Variants in ZFHX3 observed in about 807,000 individuals in gnomAD.
ZFHX3 encodes zinc finger homeobox protein 3.
Under a neutral mutation model 279.1 loss-of-function variants are expected in ZFHX3, and 42 were observed. The ratio of observed to expected loss-of-function variants is 0.15; its 90% confidence interval spans 0.12 to 0.19. The LOEUF is 0.19. Among genes scored for constraint, ZFHX3 ranks in the 10% least tolerant of loss-of-function variants. The pLI is 1.00. For missense variants in ZFHX3, 4,981 were observed against 4,754.0 expected, an observed-to-expected ratio of 1.05 and a Z score of -1.40; for synonymous variants, 2,293 against 1,957.8, an observed-to-expected ratio of 1.17 and a Z score of -4.52.
chr16:73,115,054 GC>G (rs927384985), intron 7 of ZFHX3, among the ~76,000 whole-genome samples: 78 of 152,186 alleles, frequency 5.1e-4, no homozygotes, highest in African/African-American at 1.7e-3. Flanking sequence ...CTCTCCCTAG[GC>G]CTTCTTTGTT....
intron 5 of ZFHX3, among the ~76,000 whole-genome samples, chr16:73,152,760 T>TAA (rs1244368235): frequency 1.2e-4 from 4 of 33,970 alleles, no homozygotes; most frequent in African/African-American, 2.7e-4. Flanking sequence ...ATGAGTTGCT[T>TAA]AAAAAAAAAA....
intron 5 of ZFHX3, among the ~76,000 whole-genome samples, chr16:73,242,118 AT>A (rs879707302): frequency 2.0e-5 from 3 of 152,208 alleles, no homozygotes; most frequent in Non-Finnish European, 4.4e-5. Context: ...GGGCATATTC[AT>A]GGAGATACGG....
chr16:73,780,284 G>T (rs568649223), intron 1 of ZFHX3, among the ~76,000 whole-genome samples: 1 of 150,458 alleles, frequency 6.6e-6, no homozygotes, highest in African/African-American at 2.4e-5. Flanking sequence ...AGTAGCTGGG[G>T]CTACAGGCAT....
At chr16:73,864,222 A>G (rs892314080) in intron 1 of ZFHX3, among the ~76,000 whole-genome samples, 3 of 152,186 alleles carry the variant, frequency 2.0e-5, no homozygotes, top group African/African-American at 7.2e-5. Context: ...TTCAGCTTCC[A>G]AGTCTGATTT....
chr16:73,046,394 GT>G (rs1965305146), intron 1 of ZFHX3, among the ~76,000 whole-genome samples: 1 of 152,136 alleles, frequency 6.6e-6, no homozygotes, highest in South Asian at 2.1e-4. Flanking sequence ...TCTTGATCAG[GT>G]TACCTTGGAA....
chr16:72,950,743 C>A lies in ZFHX3; in HGVS notation c.2942G>T (p.Gly981Val). 6.2e-7 allele frequency: 1 copy of A among 1,614,104 alleles called. No homozygotes were observed. The highest frequency in any genetic ancestry group is 8.5e-7 in the Non-Finnish European group (1 of 1,179,936). The change falls in exon 3 of 10, where the codon GGG (glycine) becomes GTG (valine). Residue 981 changes from glycine (G) to valine (V), a missense_variant. This residue lies in a region of ZFHX3 where 1,751 missense variants were observed against 1,770.0 expected (regional missense o/e 0.99). Coordinates refer to ENST00000268489, the MANE Select transcript of ZFHX3 (RefSeq NM_006885.4). The part of the protein sequence containing the change: ...LSEDEWKAVM[G>V]DSYQCKLCRY... ...GCAGAGCTTGCACTGGTATGAGTCC[C>A]CCATCACCGCCTTCCACTCGTCCTC...
At chr16:73,753,101 G>C (rs2053775767) in intron 1 of ZFHX3, among the ~76,000 whole-genome samples, 1 of 152,148 alleles carries the variant, frequency 6.6e-6, no homozygotes, top group African/African-American at 2.4e-5. Context: ...GTGTGGGTTA[G>C]CGTTCCTAAG....
At chr16:73,279,857 C>A (rs910535650) in intron 4 of ZFHX3, among the ~76,000 whole-genome samples, 2 of 152,134 alleles carry the variant, frequency 1.3e-5, no homozygotes, top group Non-Finnish European at 2.9e-5. Context: ...TTAAAAAGTA[C>A]CTAAGATGCT....
At position 72,787,600 on chromosome 16, in the gene ZFHX3, G is replaced by A. The variant is rs146315074; in HGVS notation, c.10676C>T (p.Thr3559Met). 4 of 1,613,850 alleles carry A rather than the reference G, an allele frequency of 2.5e-6. No individual in the cohort carries two copies. The highest frequency in any genetic ancestry group is 2.5e-6 in the Non-Finnish European group (3 of 1,179,924). ...CTCTTTGGCGTTTCTTGCTGCTCTC[G>A]TGATTGTTCTGTGTTTGTGCAAGGC... ...ESALHKHRTI[T>M]RAARNAKEHP... The change falls in exon 10 of 10, where the codon ACG (threonine) becomes ATG (methionine). Residue 3559 changes from threonine to methionine, a missense_variant. Coordinates refer to ENST00000268489, the MANE Select transcript of ZFHX3 (RefSeq NM_006885.4).
chr16:73,760,488 C>A (rs964214332), intron 1 of ZFHX3, among the ~76,000 whole-genome samples: 13 of 151,872 alleles, frequency 8.6e-5, no homozygotes, highest in African/African-American at 3.1e-4. Context: ...ATCCTGATAC[C>A]AAAACCTGGC....
chr16:73,812,146 C>G (rs367801002), intron 1 of ZFHX3, among the ~76,000 whole-genome samples: 1 of 152,118 alleles, frequency 6.6e-6, no homozygotes, highest in Non-Finnish European at 1.5e-5. Context: ...ATTCACCAAC[C>G]AGGGCAGTGG....
intron 3 of ZFHX3, among the ~76,000 whole-genome samples, chr16:72,893,289 C>G (rs1354355051): frequency 2.0e-5 from 3 of 152,186 alleles, no homozygotes; most frequent in Non-Finnish European, 4.4e-5. Flanking sequence ...TCCAATCCCC[C>G]CACTACCTCC....
chr16:73,461,709 A>G lies in ZFHX3; in HGVS notation c.-1546-5451T>C, dbSNP rs182569887. Reference sequence around the variant, plus strand: ...CATTTGTAAGTATTTGTGTGGGTCTATTTCTGGGTTTTCTATTCTTCTTCA... The same window carrying G: ...CATTTGTAAGTATTTGTGTGGGTCTGTTTCTGGGTTTTCTATTCTTCTTCA... On this transcript the variant is annotated intron_variant, in intron 2 of 17. Coordinates refer to the ZFHX3 transcript ENST00000641206. Among the ~76,000 whole-genome samples, 49 of 152,246 alleles carry G rather than the reference A, an allele frequency of 3.2e-4. No individual in the cohort carries two copies. In the East Asian group the frequency reaches 7.5e-3, roughly 23 times the overall value.
intron 2 of ZFHX3, among the ~76,000 whole-genome samples, chr16:73,599,038 G>A (rs1048857305): frequency 3.9e-5 from 6 of 152,222 alleles, no homozygotes; most frequent in Non-Finnish European, 8.8e-5. Flanking sequence ...TGGGATTACA[G>A]GTGTGAGCCA....
intron 2 of ZFHX3, among the ~76,000 whole-genome samples, chr16:73,548,261 C>A (rs1440296259): frequency 6.6e-6 from 1 of 152,222 alleles, no homozygotes; most frequent in Non-Finnish European, 1.5e-5. Context: ...TCCTCTAAAT[C>A]CTTAAATGCC....
At chr16:73,727,491 G>A (rs919742298) in intron 1 of ZFHX3, among the ~76,000 whole-genome samples, 1 of 152,164 alleles carries the variant, frequency 6.6e-6, no homozygotes, top group African/African-American at 2.4e-5. Flanking sequence ...AACTAGAAGA[G>A]ATGGAGTTAC....
intron 4 of ZFHX3, among the ~76,000 whole-genome samples, chr16:73,306,251 T>A (rs1320663114): frequency 6.6e-6 from 1 of 152,218 alleles, no homozygotes; most frequent in African/African-American, 2.4e-5. Context: ...CTTAAAAAAA[T>A]CAATATAGAT....
intron 5 of ZFHX3, among the ~76,000 whole-genome samples, chr16:73,154,421 A>ACAGT (rs1219845435): frequency 1.9e-4 from 29 of 152,258 alleles, no homozygotes; most frequent in African/African-American, 6.5e-4. Flanking sequence ...CGGCCACTGG[A>ACAGT]CAGTCACTCC....
intron 1 of ZFHX3, among the ~76,000 whole-genome samples, chr16:73,889,725 T>C (rs899903180): frequency 1.2e-4 from 19 of 152,182 alleles, no homozygotes; most frequent in Non-Finnish European, 2.1e-4. Context: ...GGAGCTATTC[T>C]CTGTGCCCTC....
Sources: allele counts gnomAD v4.1 joint callset (sites outside exome capture counted in the v4.1 genomes callset), GRCh38; gene constraint gnomAD v4.1.1; regional missense constraint gnomAD v4.1.1; transcripts MANE v1.5; gene names NCBI Gene and HGNC (gene_info 2026-07-23, HGNC 2026-07-21).